The following RIPOR3 variants were observed in gnomAD, a reference collection of about 807,000 sequenced individuals.
RIPOR3 encodes the protein family with sequence similarity 65 member C.
A neutral mutation model predicts 114.3 loss-of-function variants in RIPOR3; 95 were observed. That is an observed-to-expected ratio of 0.83 (90% confidence interval 0.70 to 0.99). The LOEUF is 0.99. RIPOR3 is among the 50% of genes least tolerant of loss of function. RIPOR3 has a pLI of 0.00. For missense variants in RIPOR3, 1,252 were observed against 1,266.9 expected (o/e 0.99, Z 0.18); for synonymous variants, 575 against 543.8 (o/e 1.06, Z -0.80).
Position 50,587,304 on chromosome 20 carries a change from C to G in RIPOR3, c.2781G>C (p.Lys927Asn). The change falls in exon 22 of 22, where the codon AAG becomes AAC. Residue 927 changes from lysine (K) to asparagine (N), a missense_variant. By Grantham distance (94) the Lys-to-Asn change is moderately conservative. Coordinates refer to ENST00000327979, the MANE Select transcript of RIPOR3 (RefSeq NM_001290268.2). ...FGEKGRLAFE[K>N]MDKLCSEQRE... ...TTTGTTCTGAGCAGAGCTTGTCCAT[C>G]TTCTCAAAAGCTAACCGTCCTTTTT... 1 of 1,614,186 alleles carries G rather than the reference C, an allele frequency of 6.2e-7. No individual in the cohort carries two copies. The highest frequency in any genetic ancestry group is 2.2e-5 in the East Asian group (1 of 44,884).
In RIPOR3 at chr20:50,616,087, G is replaced by A; in HGVS notation, c.270-7C>T. ...CTGCACACACAGATACTCCCTGCAA[G>A]GAAAGCAAGGAAGAGTTTCAAATGG... On this transcript the variant is annotated splice_polypyrimidine_tract_variant and splice_region_variant and intron_variant, in intron 3 of 21. Coordinates refer to ENST00000327979, the MANE Select transcript of RIPOR3 (RefSeq NM_001290268.2). The A allele has an allele frequency of 2.5e-6, 4 of 1,609,612 alleles. No homozygotes were observed. The highest frequency in any genetic ancestry group is 3.4e-6 in the Non-Finnish European group (4 of 1,177,992).
chr20:50,598,475 T>C (rs902222076), intron 13 of RIPOR3, among the ~76,000 whole-genome samples: 3 of 151,860 alleles, frequency 2.0e-5, no homozygotes, highest in Non-Finnish European at 4.4e-5. Flanking sequence ...GCAGAAGCCA[T>C]AAAACCAAAC....
chr20:50,600,471 A>G (rs2083454800), intron 13 of RIPOR3, among the ~76,000 whole-genome samples: 1 of 152,206 alleles, frequency 6.6e-6, no homozygotes, highest in African/African-American at 2.4e-5. Context: ...AAAAAGTACA[A>G]AAAAGGTACA....
At chr20:50,672,441 A>T (rs749002232) in intron 1 of RIPOR3, among the ~76,000 whole-genome samples, 87 of 152,136 alleles carry the variant, frequency 5.7e-4, no homozygotes, top group Non-Finnish European at 1.1e-3. Flanking sequence ...AGATTCTGCC[A>T]TCCTTTTCTC....
In RIPOR3 at chr20:50,628,757, G is replaced by A. The variant is rs564195226; in HGVS notation, c.122+1981C>T. Among the ~76,000 whole-genome samples, 8 of 152,316 alleles carry A rather than the reference G, an allele frequency of 5.3e-5. No individual in the cohort carries two copies. In the East Asian group the frequency reaches 1.3e-3, roughly 26 times the overall value. ...AGGACAGGGCCAGAGTAGGTGCTCC[G>A]TGAATATCTGCTGCGTGAACAGGGA... On this transcript the variant is annotated intron_variant, in intron 2 of 21. Transcript: ENST00000327979.
At chr20:50,641,739 C>T (rs572972251) in intron 1 of RIPOR3, among the ~76,000 whole-genome samples, 1 of 152,368 alleles carries the variant, frequency 6.6e-6, no homozygotes, top group East Asian at 1.9e-4. Flanking sequence ...GTTTCCCACG[C>T]TAAACCACTG....
chr20:50,627,349 A>C (rs1312455359), intron 2 of RIPOR3, among the ~76,000 whole-genome samples: 1 of 149,962 alleles, frequency 6.7e-6, no homozygotes, highest in Non-Finnish European at 1.5e-5. Flanking sequence ...AAAAATACAA[A>C]AAAAAAAAAA....
chr20:50,663,445 C>A (rs1174891988), intron 1 of RIPOR3, among the ~76,000 whole-genome samples: 1 of 152,200 alleles, frequency 6.6e-6, no homozygotes, highest in African/African-American at 2.4e-5. Context: ...TCTCCAAGCG[C>A]CCCAGTGCAG....
At chr20:50,636,517 G>T in intron 1 of RIPOR3, 2 of 974,750 alleles carry the variant, frequency 2.1e-6, no homozygotes, top group Non-Finnish European at 2.4e-6. Flanking sequence ...ATGAGAGACA[G>T]TGCAGAGACC....
chr20:50,652,806 A>G (rs1430169248), intron 1 of RIPOR3, among the ~76,000 whole-genome samples: 2 of 152,134 alleles, frequency 1.3e-5, no homozygotes, highest in African/African-American at 2.4e-5. Flanking sequence ...GCTGGAGAGG[A>G]TGTGGGGCAA....
Position 50,689,536 on chromosome 20 carries a change from C to T in RIPOR3, c.3+1590G>A, listed in dbSNP as rs1296855379. Among the ~76,000 whole-genome samples, 7 of 152,274 alleles carry T rather than the reference C, an allele frequency of 4.6e-5. No homozygotes were observed. In the South Asian group the frequency reaches 1.2e-3, roughly 27 times the overall value. ...CTCTCAGACGCTTAAGTTCTCAGTT[C>T]GGAACTTAAGCGCTCTTCAACCAGA... On this transcript the variant is annotated intron_variant, in intron 1 of 21. Coordinates refer to ENST00000327979, the MANE Select transcript of RIPOR3 (RefSeq NM_001290268.2).
At chr20:50,615,659 C>A (rs1389110177) in intron 4 of RIPOR3, among the ~76,000 whole-genome samples, 1 of 152,000 alleles carries the variant, frequency 6.6e-6, no homozygotes, top group Non-Finnish European at 1.5e-5. Flanking sequence ...CAAGATGTGA[C>A]ACCTGACCCA....
At chr20:50,626,408 A>T (rs186776266) in intron 2 of RIPOR3, among the ~76,000 whole-genome samples, 1 of 152,328 alleles carries the variant, frequency 6.6e-6, no homozygotes, top group Non-Finnish European at 1.5e-5. Context: ...TCTTTCCTAG[A>T]CTAGGACTTG....
intron 13 of RIPOR3, among the ~76,000 whole-genome samples, chr20:50,599,924 A>T (rs182594898): frequency 2.4e-4 from 37 of 151,666 alleles, no homozygotes; most frequent in South Asian, 1.0e-3. Context: ...TTTGAGAGAG[A>T]GAGTCTCGCT....
At chr20:50,666,717 T>C (rs1436919111) in intron 1 of RIPOR3, among the ~76,000 whole-genome samples, 1 of 151,990 alleles carries the variant, frequency 6.6e-6, no homozygotes, top group Non-Finnish European at 1.5e-5. Context: ...TGTGCCACCA[T>C]GCCCAGCTAA....
Position 50,609,692 on chromosome 20 carries a change from G to T in RIPOR3, c.457C>A (p.Gln153Lys). The T allele has an allele frequency of 7.2e-7, 1 of 1,391,430 alleles. No individual in the cohort carries two copies. Among genetic ancestry groups the T allele is most frequent in the Non-Finnish European group, 9.3e-7 (1 of 1,072,120 alleles). 86.2% of individuals were successfully genotyped at this position (1,391,430 alleles called of 1,614,324 possible). Reference protein sequence around the residue: ...VDELYEDYCIQCRLRDGASSM... With the variant: ...VDELYEDYCIKCRLRDGASSM... ...GAGGCGCCGTCGCGCAGGCGGCACT[G>T]GATGCAGTAGTCCTCGTACAGCTCA... is the stretch of plus-strand genomic sequence containing the variant. The change falls in exon 7 of 22, where the codon CAG (glutamine) becomes AAG (lysine). Residue 153 changes from glutamine (Q) to lysine (K), a missense_variant. Coordinates refer to ENST00000327979, the MANE Select transcript of RIPOR3 (RefSeq NM_001290268.2).
intron 1 of RIPOR3, among the ~76,000 whole-genome samples, chr20:50,677,528 C>T (rs2086715107): frequency 6.6e-6 from 1 of 151,776 alleles, no homozygotes; most frequent in South Asian, 2.1e-4. Flanking sequence ...CACACCACCA[C>T]ACCTGGCTAA....
At chr20:50,687,129 G>C (rs1440465159) in intron 1 of RIPOR3, among the ~76,000 whole-genome samples, 1 of 152,226 alleles carries the variant, frequency 6.6e-6, no homozygotes, top group African/African-American at 2.4e-5. Flanking sequence ...GACTAGAAAC[G>C]GAAGAGGACT....
intron 1 of RIPOR3, among the ~76,000 whole-genome samples, chr20:50,690,268 C>T (rs2087164036): frequency 6.6e-6 from 1 of 152,188 alleles, no homozygotes; most frequent in Non-Finnish European, 1.5e-5. Context: ...GAGGCATATG[C>T]CAGTCTCCCT....
Sources: allele counts gnomAD v4.1 joint callset (sites outside exome capture counted in the v4.1 genomes callset), GRCh38; gene constraint gnomAD v4.1.1; transcripts MANE v1.5; gene names NCBI Gene and HGNC (gene_info 2026-07-23, HGNC 2026-07-21).